SLC24A3: variants seen among roughly 807,000 people sequenced by gnomAD.
The protein encoded by SLC24A3 is sodium/potassium/calcium exchanger 3.
A neutral mutation model predicts 75.8 loss-of-function variants in SLC24A3; 28 were observed. That is an observed-to-expected ratio of 0.37 (90% confidence interval 0.27 to 0.51). SLC24A3 has a LOEUF of 0.51. Ranked by LOEUF, SLC24A3 falls within the 20% of genes least tolerant of loss-of-function variation. SLC24A3 has a pLI of 0.94. For missense variants in SLC24A3, 663 were observed against 847.8 expected, an observed-to-expected ratio of 0.78 and a Z score of 2.71; for synonymous variants, 372 against 334.1, an observed-to-expected ratio of 1.11 and a Z score of -1.24.
chr20:19,238,426 G>C (rs1982230858), intron 1 of SLC24A3, among the ~76,000 whole-genome samples: 1 of 152,168 alleles, frequency 6.6e-6, no homozygotes, highest in Non-Finnish European at 1.5e-5. Context: ...GAACATTCTT[G>C]TTCATGCCTT....
At chr20:19,587,333 C>T (rs1159333724) in intron 6 of SLC24A3, among the ~76,000 whole-genome samples, 3 of 152,266 alleles carry the variant, frequency 2.0e-5, no homozygotes, top group African/African-American at 7.2e-5. Context: ...TCATTAGTAA[C>T]GCGGTTCATC....
chr20:19,229,012 A>G (rs1267567337), intron 1 of SLC24A3, among the ~76,000 whole-genome samples: 1 of 152,228 alleles, frequency 6.6e-6, no homozygotes, highest in Non-Finnish European at 1.5e-5. Context: ...AAAAGCACTT[A>G]TAGTGCTGCC....
At chr20:19,499,969 G>A (rs1428900646) in intron 2 of SLC24A3, among the ~76,000 whole-genome samples, 1 of 152,174 alleles carries the variant, frequency 6.6e-6, no homozygotes, top group Non-Finnish European at 1.5e-5. Context: ...GTAAACTCCT[G>A]ACATCAAGAC....
intron 3 of SLC24A3, among the ~76,000 whole-genome samples, chr20:19,563,302 G>A (rs558099619): frequency 6.6e-6 from 1 of 152,226 alleles, no homozygotes; most frequent in South Asian, 2.1e-4. Flanking sequence ...AATAAAATGT[G>A]TTCACTGTCT....
At chr20:19,467,880 CAA>C (rs58937169) in intron 2 of SLC24A3, among the ~76,000 whole-genome samples, 80 of 104,446 alleles carry the variant, frequency 7.7e-4, no homozygotes, top group East Asian at 1.2e-3. Flanking sequence ...GACCCTGTCT[CAA>C]AAAAAAAAAA....
At chr20:19,662,294 T>C (rs890756125) in intron 7 of SLC24A3, among the ~76,000 whole-genome samples, 2 of 152,192 alleles carry the variant, frequency 1.3e-5, no homozygotes, top group Non-Finnish European at 2.9e-5. Context: ...GGGAAGAAGC[T>C]GAGTCAGTTC....
Position 19,391,290 on chromosome 20 carries a change from T to C in SLC24A3, c.271+110203T>C, listed in dbSNP as rs888642493. Among the ~76,000 whole-genome samples the C allele has an allele frequency of 2.0e-5, 3 of 152,214 alleles. No individual in the cohort carries two copies. In the East Asian group the frequency reaches 5.8e-4, roughly 29 times the overall value. On this transcript the variant is annotated intron_variant, in intron 2 of 16. Transcript: ENST00000328041. ...GCCATAGTGAACCACCAGTAGTGTC[T>C]TGATGACTTCTTGATGACTGAGTAA...
At chr20:19,342,188 A>G (rs1208048398) in intron 2 of SLC24A3, among the ~76,000 whole-genome samples, 1 of 152,190 alleles carries the variant, frequency 6.6e-6, no homozygotes, top group African/African-American at 2.4e-5. Flanking sequence ...TCCTAATGCA[A>G]TGCCCTATTC....
intron 1 of SLC24A3, among the ~76,000 whole-genome samples, chr20:19,237,525 C>A (rs1982199238): frequency 6.6e-6 from 1 of 152,144 alleles, no homozygotes; most frequent in Non-Finnish European, 1.5e-5. Flanking sequence ...GAACATCCAC[C>A]CAGCTTGCAG....
intron 1 of SLC24A3, among the ~76,000 whole-genome samples, chr20:19,276,326 A>G (rs1568575757): frequency 6.6e-6 from 1 of 152,166 alleles, no homozygotes. Context: ...TGAACCTTTC[A>G]TGGGGGATGC....
rs1008381005 is a variant in SLC24A3, at chr20:19,272,045, G to A, written c.143-8914G>A. Among the ~76,000 whole-genome samples, 100 of 152,390 alleles carry A rather than the reference G, an allele frequency of 6.6e-4. 1 individual carries two copies. Among genetic ancestry groups the A allele is most frequent in the African/African-American group, 1.9e-3 (77 of 41,598 alleles). ...AGCGTATTCAGGTGGCCACTCCCAT[G>A]TGGATGCTGAAGTATCTTCAGCAGG... On this transcript the variant is annotated intron_variant, in intron 1 of 16. Coordinates refer to ENST00000328041, the MANE Select transcript of SLC24A3 (RefSeq NM_020689.4).
chr20:19,364,870 A>G (rs558835788), intron 2 of SLC24A3, among the ~76,000 whole-genome samples: 2 of 152,300 alleles, frequency 1.3e-5, no homozygotes, highest in South Asian at 4.1e-4. Context: ...GGGTCAAGAA[A>G]CTAGGCCCTA....
At chr20:19,379,463 G>A (rs1402438280) in intron 2 of SLC24A3, among the ~76,000 whole-genome samples, 4 of 152,180 alleles carry the variant, frequency 2.6e-5, no homozygotes, top group Admixed American at 2.6e-4. Flanking sequence ...TTAGGAATGA[G>A]GGGGTTTGAT....
At chr20:19,493,578 AG>A (rs1453067265) in intron 2 of SLC24A3, among the ~76,000 whole-genome samples, 1 of 152,194 alleles carries the variant, frequency 6.6e-6, no homozygotes, top group East Asian at 1.9e-4. Context: ...TGAGGATAAA[AG>A]GGTAGAATAG....
rs1473157444 is a variant in SLC24A3, at chr20:19,489,375, T to C, written c.272-26113T>C. On this transcript the variant is annotated intron_variant, in intron 2 of 16. Transcript: ENST00000328041. ...AGCATCTCATTTTATTGTGTGTTAT[T>C]TTATTTTAATTAACATTGCAGGTTA... 3.9e-5 allele frequency among the ~76,000 whole-genome samples: 6 copies of C among 152,208 alleles called. No homozygotes were observed. In the East Asian group the frequency reaches 1.2e-3, roughly 29 times the overall value.
intron 2 of SLC24A3, among the ~76,000 whole-genome samples, chr20:19,283,783 G>C (rs1350734511): frequency 6.6e-6 from 1 of 152,212 alleles, no homozygotes; most frequent in Non-Finnish European, 1.5e-5. Context: ...TACTAATAAA[G>C]TGTGGACAGC....
Position 19,620,032 on chromosome 20 carries a change from C to A in SLC24A3, c.613-34030C>A, listed in dbSNP as rs566289748. On this transcript the variant is annotated intron_variant, in intron 6 of 16. Transcript: ENST00000328041. Reference sequence around the variant, plus strand: ...AGACCACCCACCTTGGCCCACCAACCCTCTTTTGCATTTTCAGAGGAACTG... The same window carrying A: ...AGACCACCCACCTTGGCCCACCAACACTCTTTTGCATTTTCAGAGGAACTG... 5.9e-5 allele frequency among the ~76,000 whole-genome samples: 9 copies of A among 152,234 alleles called. No individual in the cohort carries two copies. The South Asian group carries it at 1.9e-3, about 32-fold the overall frequency.
rs144288964 is a variant in SLC24A3 at position 19,688,947 on chromosome 20, T to C, written c.1324+3586T>C. ...TAACATATTTATGTTTATATATGTA[T>C]ATACTATATTATAGGTTATATACAC... On this transcript the variant is annotated intron_variant, in intron 12 of 16. Coordinates refer to ENST00000328041, the MANE Select transcript of SLC24A3 (RefSeq NM_020689.4). Among the ~76,000 whole-genome samples the C allele has an allele frequency of 6.3e-3, 962 of 152,226 alleles. 8 individuals are homozygous for C. The highest frequency in any genetic ancestry group is 0.022 in the African/African-American group (921 of 41,544).
At chr20:19,524,121 G>A (rs541728554) in intron 3 of SLC24A3, among the ~76,000 whole-genome samples, 10 of 152,130 alleles carry the variant, frequency 6.6e-5, no homozygotes, top group African/African-American at 2.4e-4. Context: ...CTCGCTGTCT[G>A]CCCCAGTGCC....
Sources: allele counts gnomAD v4.1 joint callset (sites outside exome capture counted in the v4.1 genomes callset), GRCh38; gene constraint gnomAD v4.1.1; transcripts MANE v1.5; gene names NCBI Gene and HGNC (gene_info 2026-07-23, HGNC 2026-07-21).